Variants in TBL1X observed in about 807,000 individuals in gnomAD.
TBL1X encodes transducin beta like 1 X-linked.
A neutral mutation model predicts 50.7 loss-of-function variants in TBL1X; 10 were observed. The ratio of observed to expected loss-of-function variants is 0.20; its 90% CI spans 0.12 to 0.33. TBL1X has a LOEUF of 0.33. TBL1X is among the 10% of genes least tolerant of loss of function. The pLI is 1.00. For missense variants in TBL1X, 340 were observed against 504.4 expected (o/e 0.67, Z 3.12); for synonymous variants, 190 against 214.7 (o/e 0.88, Z 1.01).
chrX:9,508,137 A>G (rs1452263145), intron 2 of TBL1X, among the ~76,000 whole-genome samples: 1 of 112,383 alleles, frequency 8.9e-6, no homozygotes, highest in Non-Finnish European at 1.9e-5. Flanking sequence ...AAAAGAAACT[A>G]TGATCAGAGT....
At chrX:9,700,468 C>T (rs953333597) in intron 12 of TBL1X, among the ~76,000 whole-genome samples, 3 of 112,112 alleles carry the variant, frequency 2.7e-5, no homozygotes, top group Non-Finnish European at 5.6e-5. Context: ...CCACATTGTT[C>T]TGAATTGCGT....
intron 2 of TBL1X, among the ~76,000 whole-genome samples, chrX:9,579,767 C>G (rs756864505): frequency 9.0e-6 from 1 of 110,930 alleles, no homozygotes; most frequent in African/African-American, 3.3e-5. Flanking sequence ...CCCCTTGACA[C>G]ACTACCTTTT....
intron 7 of TBL1X, among the ~76,000 whole-genome samples, chrX:9,689,475 C>T (rs2083084349): frequency 8.9e-6 from 1 of 112,082 alleles, no homozygotes; most frequent in African/African-American, 3.2e-5. Flanking sequence ...AAGGAAAAGA[C>T]CTCTTACCAG....
At chrX:9,512,998 A>G (rs753828451) in intron 2 of TBL1X, among the ~76,000 whole-genome samples, 34 of 110,716 alleles carry the variant, frequency 3.1e-4, no homozygotes, top group Non-Finnish European at 5.9e-4. Context: ...ATGTATTTCC[A>G]GGACCTTATG....
intron 2 of TBL1X, among the ~76,000 whole-genome samples, chrX:9,537,620 G>A (rs1329692898): frequency 6.8e-5 from 7 of 103,151 alleles, no homozygotes; most frequent in Non-Finnish European, 1.4e-4. Context: ...TTTCATCCAT[G>A]TCATAGCATG....
intron 1 of TBL1X, among the ~76,000 whole-genome samples, chrX:9,473,943 C>T (rs752721206): frequency 6.2e-5 from 7 of 112,470 alleles, no homozygotes; most frequent in African/African-American, 2.3e-4. Context: ...TTACATGTCA[C>T]GGGATGCTCT....
intron 1 of TBL1X, among the ~76,000 whole-genome samples, chrX:9,487,758 T>G (rs775463594): frequency 2.7e-5 from 3 of 111,626 alleles, no homozygotes; most frequent in African/African-American, 6.5e-5. Context: ...CAGCTAGAGC[T>G]GGGCCTGCAG....
chrX:9,581,306 A>G (rs189997363), intron 2 of TBL1X, among the ~76,000 whole-genome samples: 2 of 111,594 alleles, frequency 1.8e-5, no homozygotes, highest in African/African-American at 3.3e-5. Flanking sequence ...TTCTTTTCTC[A>G]TGGCCTCTTT....
intron 2 of TBL1X, among the ~76,000 whole-genome samples, chrX:9,545,659 C>T (rs1353796820): frequency 1.8e-5 from 2 of 110,714 alleles, no homozygotes; most frequent in African/African-American, 6.6e-5. Flanking sequence ...TGCTCCCTTT[C>T]CCCCCTCACT....
intron 1 of TBL1X, among the ~76,000 whole-genome samples, chrX:9,478,979 T>C (rs1207649750): frequency 8.9e-6 from 1 of 112,497 alleles, no homozygotes; most frequent in Admixed American, 9.4e-5. Flanking sequence ...TTTAAAATGA[T>C]TTTTCTTTTG....
intron 2 of TBL1X, among the ~76,000 whole-genome samples, chrX:9,592,793 A>G (rs747855441): frequency 6.2e-5 from 7 of 112,283 alleles, no homozygotes; most frequent in African/African-American, 2.3e-4. Context: ...TATAGCATAT[A>G]TCAAAATGTC....
At chrX:9,627,530 T>G (rs1348373566) in intron 2 of TBL1X, among the ~76,000 whole-genome samples, 2 of 112,309 alleles carry the variant, frequency 1.8e-5, no homozygotes, top group Non-Finnish European at 3.8e-5. Context: ...ACAGCCCAAG[T>G]GACTGCATAA....
chrX:9,560,854 A>G (rs2082321763), intron 2 of TBL1X, among the ~76,000 whole-genome samples: 1 of 111,860 alleles, frequency 8.9e-6, no homozygotes, highest in Non-Finnish European at 1.9e-5. Context: ...TGACACCTGC[A>G]CAATCAGGTC....
At chrX:9,577,894 T>C (rs1050018212) in intron 2 of TBL1X, among the ~76,000 whole-genome samples, 7 of 112,622 alleles carry the variant, frequency 6.2e-5, no homozygotes, top group African/African-American at 2.3e-4. Flanking sequence ...ATGAAGTTGA[T>C]GTTTGTCGTG....
chrX:9,575,611 C>T (rs2082407525), intron 2 of TBL1X, among the ~76,000 whole-genome samples: 1 of 111,557 alleles, frequency 9.0e-6, no homozygotes, highest in Non-Finnish European at 1.9e-5. Context: ...CACTGTTTGG[C>T]GATTGTGAAT....
At chrX:9,531,357 GTGTGTGTGT>G (rs1569216635) in intron 2 of TBL1X, among the ~76,000 whole-genome samples, 48 of 68,975 alleles carry the variant, frequency 7.0e-4, no homozygotes, top group African/African-American at 3.8e-3. Flanking sequence ...CCTGGAGGGT[GTGTGTGTGT>G]GTGTGTGTGT....
chrX:9,659,574 T>C (rs1255919007), intron 5 of TBL1X, among the ~76,000 whole-genome samples: 1 of 112,636 alleles, frequency 8.9e-6, no homozygotes, highest in Non-Finnish European at 1.9e-5. Flanking sequence ...AAAAAAGATT[T>C]TCATACAGGT....
chrX:9,658,912 G>A (rs1027079003), intron 5 of TBL1X, among the ~76,000 whole-genome samples: 1 of 111,840 alleles, frequency 8.9e-6, no homozygotes, highest in Non-Finnish European at 1.9e-5. Flanking sequence ...TCAATTGATC[G>A]TCCCACCTCA....
At chrX:9,708,895 T>G (rs966555933) in intron 13 of TBL1X, among the ~76,000 whole-genome samples, 1 of 111,185 alleles carries the variant, frequency 9.0e-6, no homozygotes, top group African/African-American at 3.3e-5. Context: ...GGAAAGTGAT[T>G]TTCAAAGGCC....
Sources: allele counts gnomAD v4.1 joint callset (sites outside exome capture counted in the v4.1 genomes callset), GRCh38; gene constraint gnomAD v4.1.1; transcripts MANE v1.5; gene names NCBI Gene and HGNC (gene_info 2026-07-23, HGNC 2026-07-21).